The following AK5 variants were observed in gnomAD, a reference collection of about 807,000 sequenced individuals.
AK5 encodes adenylate kinase 5.
A neutral mutation model predicts 69.5 loss-of-function variants in AK5; 27 were observed. That is an observed-to-expected ratio of 0.39 (90% CI 0.29 to 0.54). AK5 has a LOEUF of 0.54. Ranked by LOEUF, AK5 falls within the 20% of genes least tolerant of loss-of-function variation. AK5 has a pLI of 0.71. For missense variants in AK5, 531 were observed against 700.4 expected (o/e 0.76, Z 2.73); for synonymous variants, 260 against 244.4 (o/e 1.06, Z -0.60).
rs1661123524 is a variant in AK5, at chr1:77,332,174, A to G, written c.700-8203A>G. Among the ~76,000 whole-genome samples, 3 of 152,158 alleles carry G rather than the reference A, an allele frequency of 2.0e-5. No individual in the cohort carries two copies. The South Asian group carries it at 6.2e-4, about 31-fold the overall frequency. ...GTTATTCTTAATATCCTCTTTTAGT[A>G]TCTTAAACTTTATAGAATATTTAGA... On this transcript the variant is annotated intron_variant, in intron 5 of 13. Transcript: ENST00000354567.
chr1:77,515,310 T>C (rs932526662), intron 10 of AK5, among the ~76,000 whole-genome samples: 1 of 152,112 alleles, frequency 6.6e-6, no homozygotes, highest in Non-Finnish European at 1.5e-5. Flanking sequence ...GGAGGGGCCC[T>C]TCTATTAGAA....
intron 10 of AK5, among the ~76,000 whole-genome samples, chr1:77,501,217 T>C (rs147817163): frequency 1.0e-3 from 153 of 152,316 alleles, no homozygotes; most frequent in Non-Finnish European, 1.7e-3. Context: ...GGGAAGGAGA[T>C]GGGCCAAACC....
chr1:77,513,192 C>T (rs1282194149), intron 10 of AK5, among the ~76,000 whole-genome samples: 1 of 152,180 alleles, frequency 6.6e-6, no homozygotes, highest in African/African-American at 2.4e-5. Flanking sequence ...AGACACCAGG[C>T]TCAGCCTTAT....
chr1:77,452,932 AAAG>A (rs995367706), intron 8 of AK5, among the ~76,000 whole-genome samples: 1 of 152,278 alleles, frequency 6.6e-6, no homozygotes, highest in Non-Finnish European at 1.5e-5. Flanking sequence ...ATTAAAAAGA[AAAG>A]AAATTTGTGG....
intron 6 of AK5, among the ~76,000 whole-genome samples, chr1:77,397,472 G>A (rs1648907468): frequency 1.3e-5 from 2 of 152,128 alleles, no homozygotes; most frequent in South Asian, 4.1e-4. Flanking sequence ...TCCAACAGGG[G>A]GAAACATTAG....
At chr1:77,450,039 C>G (rs1415639387) in intron 8 of AK5, among the ~76,000 whole-genome samples, 2 of 152,148 alleles carry the variant, frequency 1.3e-5, no homozygotes, top group Non-Finnish European at 2.9e-5. Flanking sequence ...CTCTCAAGTT[C>G]AAAGTTCCAC....
At chr1:77,303,627 A>G (rs1237885164) in intron 5 of AK5, among the ~76,000 whole-genome samples, 1 of 152,238 alleles carries the variant, frequency 6.6e-6, no homozygotes, top group Non-Finnish European at 1.5e-5. Context: ...AGTGAGAGTA[A>G]AAAAGGCACA....
At chr1:77,343,617 T>C (rs528140301) in intron 6 of AK5, among the ~76,000 whole-genome samples, 4 of 152,306 alleles carry the variant, frequency 2.6e-5, no homozygotes, top group Non-Finnish European at 5.9e-5. Flanking sequence ...TGTGACTTTC[T>C]GCAGGTTACT....
intron 7 of AK5, 60 bp downstream of exon 7, chr1:77,411,131 C>A: frequency 1.4e-6 from 2 of 1,423,698 alleles, no homozygotes; most frequent in Non-Finnish European, 9.7e-7. Context: ...ATGTCTGGGG[C>A]TTTGTATTAA....
At chr1:77,338,066 G>C (rs567063379) in intron 5 of AK5, among the ~76,000 whole-genome samples, 2 of 151,724 alleles carry the variant, frequency 1.3e-5, no homozygotes, top group South Asian at 4.2e-4. Context: ...CCGGGTTCAA[G>C]TGATTCTCCT....
At chr1:77,302,215 TA>T (rs11305805) in intron 5 of AK5, among the ~76,000 whole-genome samples, 128,917 of 151,244 alleles carry the variant, frequency 0.85, 55,177 homozygotes, top group Non-Finnish European at 0.88. Context: ...TATTTTAAGT[TA>T]AAAAAAAAAT....
chr1:77,380,813 T>C lies in AK5; in HGVS notation c.892-30168T>C, dbSNP rs182397110. 2.8e-3 allele frequency among the ~76,000 whole-genome samples: 425 copies of C among 152,160 alleles called. 2 individuals are homozygous for C. Among genetic ancestry groups the C allele is most frequent in the African/African-American group, 9.9e-3 (409 of 41,508 alleles). On this transcript the variant is annotated intron_variant, in intron 6 of 13. Coordinates refer to ENST00000354567, the MANE Select transcript of AK5 (RefSeq NM_174858.3). The stretch of plus-strand genomic sequence containing the variant: ...GAAGAGATGGCCCTGAGCTGAGTCA[T>C]GAAGGGAAGATAGGAATTAGCTGGG...
chr1:77,365,417 G>A (rs1470632906), intron 6 of AK5, among the ~76,000 whole-genome samples: 2 of 152,188 alleles, frequency 1.3e-5, no homozygotes, highest in African/African-American at 2.4e-5. Context: ...TTTGGGCAAT[G>A]TTATACTTTG....
At chr1:77,465,361 A>C (rs1654078108) in intron 8 of AK5, among the ~76,000 whole-genome samples, 1 of 152,200 alleles carries the variant, frequency 6.6e-6, no homozygotes, top group South Asian at 2.1e-4. Context: ...CAACTGCTCA[A>C]TTAAGTGAAA....
At chr1:77,337,699 G>T (rs1413096131) in intron 5 of AK5, among the ~76,000 whole-genome samples, 2 of 152,068 alleles carry the variant, frequency 1.3e-5, no homozygotes, top group African/African-American at 4.8e-5. Flanking sequence ...TCTCAAAAAT[G>T]ATTTGCATGT....
At chr1:77,311,225 A>G (rs1659933861) in intron 5 of AK5, among the ~76,000 whole-genome samples, 1 of 152,134 alleles carries the variant, frequency 6.6e-6, no homozygotes, top group Admixed American at 6.5e-5. Context: ...ACTGAGTTCT[A>G]TTAAATGTAT....
chr1:77,518,421 G>A, intron 10 of AK5, 143 bp from the exon 11 acceptor site: 1 of 818,762 alleles, frequency 1.2e-6, no homozygotes, highest in Admixed American at 2.8e-5. Flanking sequence ...ACCACTCTCA[G>A]CACAGCTCCT....
At chr1:77,413,043 GA>G (rs67859581) in intron 7 of AK5, among the ~76,000 whole-genome samples, 133,766 of 151,292 alleles carry the variant, frequency 0.88, 59,638 homozygotes, top group East Asian at 0.97. Flanking sequence ...CTGCCTTTCT[GA>G]AAAAAAAACA....
chr1:77,298,364 A>T (rs1169263792), intron 5 of AK5, among the ~76,000 whole-genome samples: 1 of 152,142 alleles, frequency 6.6e-6, no homozygotes, highest in Non-Finnish European at 1.5e-5. Flanking sequence ...ACCTACGTAG[A>T]TTAAGATAGG....
Sources: allele counts gnomAD v4.1 joint callset (sites outside exome capture counted in the v4.1 genomes callset), GRCh38; gene constraint gnomAD v4.1.1; transcripts MANE v1.5; gene names NCBI Gene and HGNC (gene_info 2026-07-23, HGNC 2026-07-21).